The following TOP6BL variants were observed in gnomAD, a reference collection of about 807,000 sequenced individuals.
The protein encoded by TOP6BL is TOP6B like initiator of meiotic double strand breaks, also known as type 2 DNA topoisomerase 6 subunit B-like.
chr11:66,756,415 C>T, the TOP6BL span: 1 of 1,127,426 alleles, frequency 8.9e-7, no homozygotes, highest in East Asian at 8.4e-5. Flanking sequence ...TCACTGCAAC[C>T]TCCACCTCCC....
At chr11:66,747,905 C>A in the TOP6BL span, among the ~76,000 whole-genome samples, 3 of 152,202 alleles carry the variant, frequency 2.0e-5, no homozygotes, top group African/African-American at 7.2e-5. Flanking sequence ...CAGGCATAAG[C>A]TACCGCGCAG....
chr11:66,789,607 A>T, the TOP6BL span, among the ~76,000 whole-genome samples: 1 of 152,202 alleles, frequency 6.6e-6, no homozygotes, highest in African/African-American at 2.4e-5. Flanking sequence ...AGTAGCAATA[A>T]AAAGGTGATT....
chr11:66,752,551 A>C, the TOP6BL span, among the ~76,000 whole-genome samples: 1 of 152,040 alleles, frequency 6.6e-6, no homozygotes, highest in African/African-American at 2.4e-5. Flanking sequence ...TCCCGGGTTC[A>C]AGTGATTCTC....
the TOP6BL span, among the ~76,000 whole-genome samples, chr11:66,765,997 C>G: frequency 6.6e-6 from 1 of 152,150 alleles, no homozygotes; most frequent in Non-Finnish European, 1.5e-5. Context: ...TTAAATTGGT[C>G]CATTTACTGA....
the TOP6BL span, chr11:66,800,764 C>T: frequency 7.4e-7 from 1 of 1,355,396 alleles, no homozygotes; most frequent in Admixed American, 2.4e-5. Context: ...TATTATTGTC[C>T]TATTTCCAAA....
chr11:66,783,904 CA>C, the TOP6BL span, among the ~76,000 whole-genome samples: 16 of 152,330 alleles, frequency 1.1e-4, no homozygotes, highest in South Asian at 2.7e-3. Flanking sequence ...TGGTTCACTG[CA>C]GCCTCTACCT....
At chr11:66,761,878 G>T in the TOP6BL span, 1 of 1,019,152 alleles carries the variant, frequency 9.8e-7, no homozygotes, top group South Asian at 1.3e-5. Flanking sequence ...TCCAGCACAA[G>T]GGCCTTCTTG....
chr11:66,842,776 G>C, the TOP6BL span: 2 of 1,414,028 alleles, frequency 1.4e-6, no homozygotes, highest in Non-Finnish European at 9.5e-7. Flanking sequence ...GTTCTCCCAG[G>C]CTTCCCCTTG....
the TOP6BL span, among the ~76,000 whole-genome samples, chr11:66,807,526 G>A: frequency 2.0e-5 from 3 of 152,098 alleles, no homozygotes; most frequent in Non-Finnish European, 4.4e-5. Context: ...AGCCGAGATC[G>A]CGCCATTGCA....
chr11:66,813,783 G>C, the TOP6BL span: 1 of 1,324,112 alleles, frequency 7.6e-7, no homozygotes, highest in East Asian at 2.3e-5. Context: ...GTGTAAACCA[G>C]GTCAGTGTTG....
the TOP6BL span, among the ~76,000 whole-genome samples, chr11:66,817,422 GGATGAT>G: frequency 2.0e-5 from 3 of 151,518 alleles, no homozygotes; most frequent in Non-Finnish European, 2.9e-5. Context: ...CAGAATCACT[GGATGAT>G]GATGATGATG....
At chr11:66,774,999 G>C in the TOP6BL span, among the ~76,000 whole-genome samples, 1 of 150,868 alleles carries the variant, frequency 6.6e-6, no homozygotes, top group South Asian at 2.1e-4. Flanking sequence ...TGTAGTCCCA[G>C]CTACTCCGGA....
At chr11:66,818,502 TAGAC>T in the TOP6BL span, among the ~76,000 whole-genome samples, 1 of 152,166 alleles carries the variant, frequency 6.6e-6, no homozygotes, top group Admixed American at 6.5e-5. Context: ...TATGCTCACA[TAGAC>T]AGAGGTTGGT....
At chr11:66,767,486 CTCTT>C in the TOP6BL span, among the ~76,000 whole-genome samples, 8 of 152,098 alleles carry the variant, frequency 5.3e-5, no homozygotes, top group East Asian at 1.9e-4. Flanking sequence ...CTGCTTTTTC[CTCTT>C]TCTTCTATTC....
At chr11:66,784,478 C>T in the TOP6BL span, among the ~76,000 whole-genome samples, 2 of 152,192 alleles carry the variant, frequency 1.3e-5, no homozygotes, top group South Asian at 2.1e-4. Flanking sequence ...ACTGTTATCA[C>T]TATCCAATTC....
the TOP6BL span, among the ~76,000 whole-genome samples, chr11:66,831,224 C>G: frequency 6.6e-6 from 1 of 152,142 alleles, no homozygotes. Flanking sequence ...AAATATATAC[C>G]TATCATATGA....
chr11:66,774,484 C>T, the TOP6BL span, among the ~76,000 whole-genome samples: 4 of 152,052 alleles, frequency 2.6e-5, no homozygotes, highest in African/African-American at 7.2e-5. Flanking sequence ...GACAAAGTCT[C>T]GCTGTGTCAC....
chr11:66,750,740 C>T, the TOP6BL span, among the ~76,000 whole-genome samples: 1 of 151,478 alleles, frequency 6.6e-6, no homozygotes, highest in Admixed American at 6.6e-5. Flanking sequence ...CACTCTGTCA[C>T]CCAGGCTGGA....
chr11:66,772,040 C>T, the TOP6BL span, among the ~76,000 whole-genome samples: 1 of 152,066 alleles, frequency 6.6e-6, no homozygotes, highest in Admixed American at 6.6e-5. Flanking sequence ...CCATTAAGAG[C>T]ATTCGTCATT....
Sources: gnomAD v4.1 joint callset for allele counts (sites outside exome capture counted in the v4.1 genomes callset) on GRCh38, gnomAD v4.1.1 for gene constraint, MANE v1.5 for transcripts, NCBI Gene and HGNC (gene_info 2026-07-23, HGNC 2026-07-21) for gene names.